The following SOX6 variants were observed in gnomAD, a reference collection of about 807,000 sequenced individuals.
SOX6 encodes transcription factor SOX-6.
In SOX6, 11 loss-of-function variants were observed where a neutral mutation model predicts 97.8. The observed-to-expected ratio is 0.11, with a 90% CI of 0.07 to 0.19. SOX6 has a LOEUF of 0.19. Ranked by LOEUF, SOX6 falls within the 10% of genes least tolerant of loss-of-function variation. SOX6 has a pLI of 1.00. For synonymous variants in SOX6, 360 were observed against 371.4 expected, an observed-to-expected ratio of 0.97 and a Z score of 0.35; for missense variants, 810 against 1,039.5, an observed-to-expected ratio of 0.78 and a Z score of 3.04.
intron 3 of SOX6, among the ~76,000 whole-genome samples, chr11:16,274,388 C>T (rs979767020): frequency 2.2e-4 from 33 of 151,962 alleles, no homozygotes; most frequent in African/African-American, 7.5e-4. Flanking sequence ...ACTCACTTAT[C>T]CTTCCATTTG....
chr11:16,738,193 C>T (rs1294940633), intron 1 of SOX6, among the ~76,000 whole-genome samples: 1 of 152,046 alleles, frequency 6.6e-6, no homozygotes, highest in Non-Finnish European at 1.5e-5. Context: ...CTAGAAATCC[C>T]CTGCGCGCAA....
chr11:16,128,381 A>C (rs1849658680), intron 6 of SOX6, among the ~76,000 whole-genome samples: 1 of 152,208 alleles, frequency 6.6e-6, no homozygotes. Context: ...GTATTTAGCT[A>C]GCTTTAGAAT....
At chr11:16,647,383 T>C (rs1242361734) in intron 3 of SOX6, among the ~76,000 whole-genome samples, 3 of 152,196 alleles carry the variant, frequency 2.0e-5, no homozygotes, top group Admixed American at 1.3e-4. Flanking sequence ...CTATAAATAT[T>C]ACAAAAATAT....
chr11:16,625,969 C>T (rs1210469771), intron 3 of SOX6, among the ~76,000 whole-genome samples: 2 of 152,190 alleles, frequency 1.3e-5, no homozygotes, highest in African/African-American at 4.8e-5. Context: ...TTCTGATTTA[C>T]AGCAGGCTGG....
intron 4 of SOX6, chr11:16,567,492 A>C (rs1022851442): frequency 6.6e-6 from 1 of 151,090 alleles, no homozygotes; most frequent in Non-Finnish European, 1.5e-5. Context: ...TATTATAGTG[A>C]CGCTACTGTG....
chr11:16,126,811 G>A (rs939253641), intron 6 of SOX6, among the ~76,000 whole-genome samples: 10 of 152,114 alleles, frequency 6.6e-5, no homozygotes, highest in Non-Finnish European at 1.2e-4. Context: ...TTTTTATACA[G>A]AAAGCATGTT....
intron 3 of SOX6, among the ~76,000 whole-genome samples, chr11:16,284,844 C>T (rs1966697): frequency 0.77 from 117,370 of 152,012 alleles, 45,471 homozygotes; most frequent in Non-Finnish European, 0.8. Flanking sequence ...CATGTGCCTA[C>T]CACTGTGCTC....
rs540482871 is a variant in SOX6 at position 15,972,112 on chromosome 11, A to T, written c.*697T>A. 6.5e-6 allele frequency: 1 copy of T among 152,942 alleles called. No homozygotes were observed. Among genetic ancestry groups the T allele is most frequent in the South Asian group, 2.1e-4 (1 of 4,834 alleles). The allele number at this position is 152,942 out of a possible 1,614,324, so 9.5% of individuals were successfully genotyped here. ...ACAATATCTTGTCTCCAGATTCCTG[A>T]GTACCTTACCATTTTCTGGAAAAAA... On this transcript the variant is annotated 3_prime_UTR_variant, in exon 16 of 16. Coordinates refer to ENST00000683767, the MANE Select transcript of SOX6 (RefSeq NM_001367873.1).
chr11:16,126,602 C>A (rs957498685), intron 6 of SOX6, among the ~76,000 whole-genome samples: 9 of 152,102 alleles, frequency 5.9e-5, no homozygotes, highest in Non-Finnish European at 1.3e-4. Context: ...AAAAGCACTA[C>A]AAACACATAA....
At chr11:16,283,802 A>G in intron 3 of SOX6, 1 of 320,826 alleles carries the variant, frequency 3.1e-6, no homozygotes, top group Non-Finnish European at 6.0e-6. Flanking sequence ...CAATGCTGCT[A>G]ATGTTCGATA....
chr11:16,432,723 T>C (rs1859294578), intron 1 of SOX6, among the ~76,000 whole-genome samples: 1 of 152,042 alleles, frequency 6.6e-6, no homozygotes, highest in Admixed American at 6.6e-5. Flanking sequence ...GGATCAAGAA[T>C]CTGCCTTTTA....
chr11:16,416,951 C>T lies in SOX6; in HGVS notation c.-5+59364G>A, dbSNP rs975311549. Among the ~76,000 whole-genome samples, 4 of 152,092 alleles carry T rather than the reference C, an allele frequency of 2.6e-5. No homozygotes were observed. The South Asian group carries it at 8.3e-4, about 32-fold the overall frequency. On this transcript the variant is annotated intron_variant, in intron 1 of 15. Coordinates refer to the SOX6 transcript ENST00000396356. Reference sequence around the variant, plus strand: ...CTTCCTTCTACCTTTCACACTGAAGCGTGAAATGGAGTCAGAACTCCCCAT... The same window carrying T: ...CTTCCTTCTACCTTTCACACTGAAGTGTGAAATGGAGTCAGAACTCCCCAT...
intron 3 of SOX6, among the ~76,000 whole-genome samples, chr11:16,284,549 T>C (rs1486251882): frequency 6.6e-6 from 1 of 152,164 alleles, no homozygotes; most frequent in Non-Finnish European, 1.5e-5. Flanking sequence ...CAGATATTTA[T>C]TGATCGCCTT....
intron 1 of SOX6, among the ~76,000 whole-genome samples, chr11:16,375,604 A>T (rs2134400604): frequency 6.6e-6 from 1 of 152,230 alleles, no homozygotes; most frequent in East Asian, 1.9e-4. Flanking sequence ...ACAGTAATGG[A>T]TGCAATTGAA....
chr11:16,717,838 T>G (rs1161334613), intron 2 of SOX6, among the ~76,000 whole-genome samples: 2 of 151,742 alleles, frequency 1.3e-5, no homozygotes, highest in Non-Finnish European at 2.9e-5. Flanking sequence ...CTTCAGACTT[T>G]AAAATATGGC....
At chr11:16,614,015 C>A (rs1409904013) in intron 3 of SOX6, among the ~76,000 whole-genome samples, 1 of 152,144 alleles carries the variant, frequency 6.6e-6, no homozygotes, top group Non-Finnish European at 1.5e-5. Context: ...GGAGTGAGAG[C>A]TAAAACTTCC....
chr11:16,349,059 T>C (rs1386513574), intron 1 of SOX6, among the ~76,000 whole-genome samples: 1 of 152,094 alleles, frequency 6.6e-6, no homozygotes, highest in South Asian at 2.1e-4. Flanking sequence ...ATTAAAGGAC[T>C]GAAAATTTGA....
chr11:16,657,577 T>C (rs752295157), intron 3 of SOX6, among the ~76,000 whole-genome samples: 6 of 152,240 alleles, frequency 3.9e-5, no homozygotes, highest in Non-Finnish European at 7.3e-5. Context: ...GAATGAGAGT[T>C]CCTGTTGTGA....
intron 1 of SOX6, among the ~76,000 whole-genome samples, chr11:16,444,799 T>G (rs1022699496): frequency 1.3e-5 from 2 of 152,144 alleles, no homozygotes; most frequent in African/African-American, 4.8e-5. Context: ...TTAGAAATAG[T>G]TGAATGGATT....
Sources: allele counts gnomAD v4.1 joint callset (sites outside exome capture counted in the v4.1 genomes callset), GRCh38; gene constraint gnomAD v4.1.1; transcripts MANE v1.5; gene names NCBI Gene and HGNC (gene_info 2026-07-23, HGNC 2026-07-21).